PIEZO2: variants seen among roughly 807,000 people sequenced by gnomAD.
PIEZO2 encodes piezo-type mechanosensitive ion channel component 2.
A neutral mutation model predicts 337.3 loss-of-function variants in PIEZO2; 172 were observed. The observed-to-expected ratio is 0.51, with a 90% CI of 0.45 to 0.58. The LOEUF (loss-of-function observed/expected upper bound fraction) is 0.58, where lower values mean the gene tolerates loss of function less well. PIEZO2 is among the 20% of genes least tolerant of loss of function. PIEZO2 has a pLI of 0.00. For synonymous variants in PIEZO2, 1,251 were observed against 1,228.5 expected, an observed-to-expected ratio of 1.02 and a Z score of -0.38; for missense variants, 3,028 against 3,391.3, an observed-to-expected ratio of 0.89 and a Z score of 2.66.
chr18:10,767,809 A>G lies in PIEZO2; in HGVS notation c.2946+2339T>C, dbSNP rs1375790253. ...GGACTCCACAGAGGAGTCCAGGAGG[A>G]GAAGGTGCTGGCAACCAGGGGCTGG... On this transcript the variant is annotated intron_variant, in intron 21 of 55. Transcript: ENST00000674853. This position sits in a 1 kb window ranked among gnomAD's most constrained non-coding sequence, Gnocchi z 4.2. Among the ~76,000 whole-genome samples the G allele has an allele frequency of 2.0e-5, 3 of 152,202 alleles. No homozygotes were observed. The highest frequency in any genetic ancestry group is 4.4e-5 in the Non-Finnish European group (3 of 68,020).
chr18:10,676,718 A>G lies in PIEZO2; in HGVS notation c.8081+1029T>C, dbSNP rs749974146. ...TTGGGCCAGGTGGACAGAGAGTGGG[A>G]GGAGAATGTGCTTGACACTAGTGGC... On this transcript the variant is annotated intron_variant, in intron 53 of 55. Transcript: ENST00000674853. The surrounding 1 kb of genome is among the most constrained non-coding windows in gnomAD (Gnocchi z 5.1). 6.6e-5 allele frequency among the ~76,000 whole-genome samples: 10 copies of G among 152,174 alleles called. No individual in the cohort carries two copies. Among genetic ancestry groups the G allele is most frequent in the Non-Finnish European group, 8.8e-5 (6 of 68,024 alleles).
At chr18:11,147,748 G>A (rs1426227479) in intron 1 of PIEZO2, among the ~76,000 whole-genome samples, 1 of 152,238 alleles carries the variant, frequency 6.6e-6, no homozygotes, top group Non-Finnish European at 1.5e-5. Flanking sequence ...GCACCCAGTT[G>A]CTTTGCACGC....
Position 10,696,308 on chromosome 18 carries a change from T to G in PIEZO2, c.6976-20A>C. The G allele has an allele frequency of 1.2e-6, 2 of 1,613,828 alleles. No individual in the cohort carries two copies. The highest frequency in any genetic ancestry group is 2.2e-5 in the South Asian group (2 of 91,078). ...GTGTTTCTGGGGAAGAGACAACAAA[T>G]TCATGCCCAAGAGAGGCAATTCATG... On this transcript the variant is annotated intron_variant, in intron 46 of 55. Transcript: ENST00000674853.
intron 2 of PIEZO2, among the ~76,000 whole-genome samples, chr18:11,065,324 T>C (rs2038112700): frequency 6.6e-6 from 1 of 152,234 alleles, no homozygotes; most frequent in African/African-American, 2.4e-5. Flanking sequence ...CATGTAAACA[T>C]ACGGCCATTG....
At chr18:11,068,887 G>C (rs1038827059) in intron 1 of PIEZO2, among the ~76,000 whole-genome samples, 1 of 152,086 alleles carries the variant, frequency 6.6e-6, no homozygotes, top group Non-Finnish European at 1.5e-5. Flanking sequence ...AGATTTCTAT[G>C]AGCAATTATA....
chr18:11,023,605 G>A (rs868195234), intron 2 of PIEZO2, among the ~76,000 whole-genome samples: 8 of 152,366 alleles, frequency 5.3e-5, no homozygotes, highest in Admixed American at 2.0e-4. Context: ...ATCCCGCACC[G>A]GGGCGGCAGG....
At chr18:10,786,936 G>A in intron 16 of PIEZO2, 100 bp downstream of exon 16, 1 of 1,152,126 alleles carries the variant, frequency 8.7e-7, no homozygotes, top group Non-Finnish European at 1.2e-6. Flanking sequence ...TATAGACATT[G>A]ATGACATCAT....
At chr18:11,019,364 T>G (rs2145703371) in intron 2 of PIEZO2, among the ~76,000 whole-genome samples, 1 of 152,348 alleles carries the variant, frequency 6.6e-6, no homozygotes. Context: ...GCTGCCTACC[T>G]TTCCAACCTG....
At chr18:10,935,391 A>C (rs1249966966) in intron 3 of PIEZO2, among the ~76,000 whole-genome samples, 1 of 152,176 alleles carries the variant, frequency 6.6e-6, no homozygotes, top group Admixed American at 6.5e-5. Context: ...CAGGGGGCAG[A>C]ATTAGGAGTT....
chr18:10,966,793 C>T (rs2034019854), intron 3 of PIEZO2, among the ~76,000 whole-genome samples: 1 of 151,924 alleles, frequency 6.6e-6, no homozygotes, highest in Admixed American at 6.6e-5. Context: ...CCCCCGAGTC[C>T]CCAAAGTCCA....
At chr18:10,920,097 C>T (rs748304121) in intron 3 of PIEZO2, among the ~76,000 whole-genome samples, 13 of 152,170 alleles carry the variant, frequency 8.5e-5, no homozygotes, top group Non-Finnish European at 4.4e-5. Flanking sequence ...ACACAAGATT[C>T]GCACTAACTA....
At chr18:10,703,036 T>C (rs1362277724) in intron 42 of PIEZO2, among the ~76,000 whole-genome samples, 1 of 152,132 alleles carries the variant, frequency 6.6e-6, no homozygotes, top group African/African-American at 2.4e-5. Flanking sequence ...TATTTTTTTG[T>C]AGAAATGGGG....
Position 10,726,692 on chromosome 18 carries a change from A to G in PIEZO2, c.5029+4715T>C, listed in dbSNP as rs1598405691. On this transcript the variant is annotated intron_variant, in intron 36 of 55. Coordinates refer to ENST00000674853, the MANE Select transcript of PIEZO2 (RefSeq NM_001378183.1). The surrounding 1 kb of genome is among the most constrained non-coding windows in gnomAD (Gnocchi z 5.9). ...TCGCTGCCAAGTTAATTCAGCAAGG[A>G]CCAGGTGTACCTGAACGGCATCCTG... 4.2e-6 allele frequency: 6 copies of G among 1,428,114 alleles called. No homozygotes were observed. The East Asian group carries it at 1.4e-4, about 33-fold the overall frequency. 88.5% of individuals were successfully genotyped at this position (1,428,114 alleles called of 1,614,324 possible). A position where few individuals can be genotyped will look rare whatever the true frequency, so the allele number is the denominator to read the frequency against.
chr18:10,683,531 C>G (rs974788905), intron 49 of PIEZO2, among the ~76,000 whole-genome samples: 11 of 152,214 alleles, frequency 7.2e-5, no homozygotes, highest in African/African-American at 2.7e-4. Context: ...TCAACAGCAT[C>G]AAATATGGAT....
At chr18:10,695,696 GTGCCTTCTC>G (rs1380790218) in intron 47 of PIEZO2, among the ~76,000 whole-genome samples, 1 of 151,930 alleles carries the variant, frequency 6.6e-6, no homozygotes, top group Non-Finnish European at 1.5e-5. Context: ...GACTTAGTCT[GTGCCTTCTC>G]TCCCTCTCAA....
intron 2 of PIEZO2, among the ~76,000 whole-genome samples, chr18:11,053,699 T>C (rs910108587): frequency 6.6e-6 from 1 of 152,232 alleles, no homozygotes; most frequent in Admixed American, 6.5e-5. Flanking sequence ...CACTATATCA[T>C]AAGTTATAAG....
intron 1 of PIEZO2, among the ~76,000 whole-genome samples, chr18:11,140,748 T>C (rs1353613145): frequency 1.3e-5 from 2 of 152,234 alleles, no homozygotes; most frequent in African/African-American, 4.8e-5. Context: ...AGACCGACTT[T>C]TCCCATTTTA....
chr18:10,726,493 G>A lies in PIEZO2; in HGVS notation c.5029+4914C>T. The stretch of plus-strand genomic sequence containing the variant: ...GCCTGGCCACCCTGCACAGCGTGCT[G>A]CTCCGCAAGCAGCCGTTCCTGTGGC... On this transcript the variant is annotated intron_variant, in intron 36 of 55. Coordinates refer to ENST00000674853, the MANE Select transcript of PIEZO2 (RefSeq NM_001378183.1). The surrounding 1 kb of genome is among the most constrained non-coding windows in gnomAD (Gnocchi z 5.9). 1 of 1,505,096 alleles carries A rather than the reference G, an allele frequency of 6.6e-7. No homozygotes were observed. 93.2% of individuals were successfully genotyped at this position (1,505,096 alleles called of 1,614,324 possible). A position where few individuals can be genotyped will look rare whatever the true frequency, so the allele number is the denominator to read the frequency against.
intron 47 of PIEZO2, among the ~76,000 whole-genome samples, chr18:10,695,032 C>T (rs865985545): frequency 4.6e-5 from 7 of 152,326 alleles, no homozygotes; most frequent in African/African-American, 1.7e-4. Flanking sequence ...TTAAAAATTC[C>T]TATTCCTACT....
Sources: allele counts gnomAD v4.1 joint callset (sites outside exome capture counted in the v4.1 genomes callset), GRCh38; gene constraint gnomAD v4.1.1; non-coding constraint Gnocchi (gnomAD v3.1); transcripts MANE v1.5; gene names NCBI Gene and HGNC (gene_info 2026-07-23, HGNC 2026-07-21).